The following ANXA10 variants were observed in gnomAD, a reference collection of about 807,000 sequenced individuals.
ANXA10 encodes the protein annexin 14.
Under a neutral mutation model 53.5 loss-of-function variants are expected in ANXA10, and 49 were observed. That is an observed-to-expected ratio of 0.92 (90% CI 0.73 to 1.16). ANXA10 has a LOEUF of 1.16. ANXA10 is among the 50% of genes most tolerant of loss of function. The pLI is 0.00. For synonymous variants in ANXA10, 131 were observed against 128.9 expected, an observed-to-expected ratio of 1.02 and a Z score of -0.11; for missense variants, 393 against 394.4, an observed-to-expected ratio of 1.00 and a Z score of 0.03.
intron 3 of ANXA10, among the ~76,000 whole-genome samples, chr4:168,155,923 C>CATATATGATATATT (rs1731642448): frequency 2.2e-5 from 1 of 46,122 alleles, no homozygotes; most frequent in African/African-American, 1.1e-4. Flanking sequence ...TATTATATAT[C>CATATATGATATATT]ATATATTATA....
chr4:168,179,188 C>T (rs771236167), intron 8 of ANXA10, 29 bp from the exon 9 acceptor site: 2 of 1,347,534 alleles, frequency 1.5e-6, no homozygotes, highest in South Asian at 2.5e-5. Context: ...TTTTCAAAAT[C>T]TCCTTTGAAT....
intron 9 of ANXA10, among the ~76,000 whole-genome samples, chr4:168,181,390 C>CAAA (rs556987548): frequency 0.28 from 25,772 of 92,784 alleles, 3,037 homozygotes; most frequent in African/African-American, 0.32. Context: ...GACTCCGTCT[C>CAAA]AAAAAAAAAA....
intron 11 of ANXA10, among the ~76,000 whole-genome samples, 192 bp from the exon 12 acceptor site, chr4:168,187,174 G>C (rs533858839): frequency 6.6e-6 from 1 of 152,206 alleles, no homozygotes; most frequent in South Asian, 2.1e-4. Context: ...ACTGTAACCA[G>C]AGCATTATTC....
chr4:168,114,984 C>T (rs78044571), intron 1 of ANXA10, among the ~76,000 whole-genome samples: 3,553 of 152,056 alleles, frequency 0.023, 132 homozygotes, highest in African/African-American at 0.077. Context: ...GCCTCCAGGG[C>T]TCAAAAATCC....
Position 168,104,347 on chromosome 4 carries a change from C to T in ANXA10, c.18+11629C>T, listed in dbSNP as rs148350971. ...CATTTATGTTCATAAGGGTTACTAT[C>T]CTACAATTTTCTTTTCTTGTAATGT... On this transcript the variant is annotated intron_variant, in intron 1 of 11. Coordinates refer to ENST00000359299, the MANE Select transcript of ANXA10 (RefSeq NM_007193.5). Among the ~76,000 whole-genome samples the T allele has an allele frequency of 1.7e-3, 252 of 151,856 alleles. 1 individual carries two copies. The highest frequency in any genetic ancestry group is 2.2e-3 in the Non-Finnish European group (149 of 67,794).
chr4:168,156,291 TATTATATTA>T (rs1731674335), intron 3 of ANXA10, among the ~76,000 whole-genome samples: 1 of 65,206 alleles, frequency 1.5e-5, no homozygotes, highest in African/African-American at 5.5e-5. Context: ...GTATATATTA[TATTATATTA>T]TATATAATAG....
At position 168,181,284 on chromosome 4, in the gene ANXA10, G is replaced by T. The variant is rs1307230762; in HGVS notation, c.725-399G>T. Among the ~76,000 whole-genome samples the T allele has an allele frequency of 2.0e-5, 3 of 151,608 alleles. No individual in the cohort carries two copies. The East Asian group carries it at 5.8e-4, about 29-fold the overall frequency. ...CGGGCGCCTGTAGTCCCAGCTACTC[G>T]GGAGGCTGAGGCAGGAGAATGGCGT... On this transcript the variant is annotated intron_variant, in intron 9 of 11. Transcript: ENST00000359299.
chr4:168,112,073 C>A (rs919562746), intron 1 of ANXA10, among the ~76,000 whole-genome samples: 1 of 152,146 alleles, frequency 6.6e-6, no homozygotes, highest in Non-Finnish European at 1.5e-5. Flanking sequence ...GCAGGCGGAT[C>A]ACTTGAGGCC....
intron 1 of ANXA10, chr4:168,127,678 G>C: frequency 2.5e-6 from 1 of 402,208 alleles, no homozygotes; most frequent in Non-Finnish European, 4.8e-6. Context: ...CAGATAAAAT[G>C]AACTCAACCA....
chr4:168,171,953 C>T (rs1731998677), intron 6 of ANXA10, among the ~76,000 whole-genome samples: 1 of 152,152 alleles, frequency 6.6e-6, no homozygotes. Context: ...GTTTCTTGAA[C>T]CCGTACAATG....
At chr4:168,130,016 C>CT in intron 2 of ANXA10, among the ~76,000 whole-genome samples, 1 of 152,206 alleles carries the variant, frequency 6.6e-6, no homozygotes, top group South Asian at 2.1e-4. Flanking sequence ...CAAAATTAAT[C>CT]TTTTTTGAAA....
chr4:168,096,615 G>T (rs957133298), intron 1 of ANXA10, among the ~76,000 whole-genome samples: 1 of 151,856 alleles, frequency 6.6e-6, no homozygotes, highest in Non-Finnish European at 1.5e-5. Flanking sequence ...TTCTGCATAG[G>T]ATCCATGTGA....
rs554598546 is a variant in ANXA10 at position 168,115,069 on chromosome 4, C to T, written c.19-13015C>T. Among the ~76,000 whole-genome samples the T allele has an allele frequency of 1.5e-4, 23 of 152,038 alleles. 1 individual carries two copies. In the South Asian group the frequency reaches 4.4e-3, roughly 29 times the overall value. ...GCCCAGCTAATTTTGTATGGAGATA[C>T]GGTTTTGCCATGTTGCCTGCTCAGG... On this transcript the variant is annotated intron_variant, in intron 1 of 11. Coordinates refer to ENST00000359299, the MANE Select transcript of ANXA10 (RefSeq NM_007193.5).
intron 6 of ANXA10, among the ~76,000 whole-genome samples, chr4:168,166,603 A>C (rs1220756444): frequency 6.6e-6 from 1 of 150,456 alleles, no homozygotes; most frequent in Admixed American, 6.6e-5. Flanking sequence ...TAAAAGCCAG[A>C]ATTTTGGTTT....
chr4:168,175,424 A>G (rs934730387), intron 6 of ANXA10, among the ~76,000 whole-genome samples: 2 of 152,230 alleles, frequency 1.3e-5, no homozygotes, highest in African/African-American at 4.8e-5. Flanking sequence ...TAAGTTATTT[A>G]GGCTAAGGGA....
At chr4:168,150,011 A>G (rs970484300) in intron 3 of ANXA10, among the ~76,000 whole-genome samples, 6 of 152,196 alleles carry the variant, frequency 3.9e-5, no homozygotes, top group Non-Finnish European at 7.3e-5. Flanking sequence ...ATTAGGCACT[A>G]AAGCCTAAAC....
chr4:168,110,557 G>A (rs2149466171), intron 1 of ANXA10, among the ~76,000 whole-genome samples: 1 of 151,592 alleles, frequency 6.6e-6, no homozygotes, highest in Middle Eastern at 3.5e-3. Context: ...AAACAAACTG[G>A]CTGTTATTTC....
intron 3 of ANXA10, among the ~76,000 whole-genome samples, chr4:168,153,979 T>TACACAC (rs1491476504): frequency 4.9e-5 from 5 of 102,796 alleles, no homozygotes; most frequent in African/African-American, 1.9e-4. Context: ...TATAGCTATG[T>TACACAC]ATACACACAC....
intron 1 of ANXA10, among the ~76,000 whole-genome samples, chr4:168,122,083 C>T (rs1730995236): frequency 6.6e-6 from 1 of 152,128 alleles, no homozygotes; most frequent in Non-Finnish European, 1.5e-5. Flanking sequence ...TCTTGTGATC[C>T]ACCCACCTCG....
Sources: gnomAD v4.1 joint callset for allele counts (sites outside exome capture counted in the v4.1 genomes callset) on GRCh38, gnomAD v4.1.1 for gene constraint, MANE v1.5 for transcripts, NCBI Gene and HGNC (gene_info 2026-07-23, HGNC 2026-07-21) for gene names.